The following CLIC4 variants were observed in gnomAD, a reference collection of about 807,000 sequenced individuals.
The protein encoded by CLIC4 is CLIC family member 4, also known as chloride intracellular channel protein 4.
Under a neutral mutation model 24.6 loss-of-function variants are expected in CLIC4, and 13 were observed. That is an observed-to-expected ratio of 0.53 (90% CI 0.34 to 0.84). CLIC4 has a LOEUF of 0.84. CLIC4 is among the 40% of genes least tolerant of loss of function. CLIC4 has a pLI of 0.01. For missense variants in CLIC4, 227 were observed against 301.7 expected, an observed-to-expected ratio of 0.75 and a Z score of 1.83; for synonymous variants, 104 against 111.3, an observed-to-expected ratio of 0.93 and a Z score of 0.41.
At chr1:24,835,256 T>C (rs2124174931) in intron 4 of CLIC4, among the ~76,000 whole-genome samples, 1 of 152,340 alleles carries the variant, frequency 6.6e-6, no homozygotes, top group East Asian at 1.9e-4. Flanking sequence ...TTGTTTGATA[T>C]TTTCCTAAGT....
chr1:24,841,068 G>T lies in CLIC4; in HGVS notation c.*131G>T. ...GCAGTTATTGAAGATTAGGATCAAG[G>T]ATAGACAAGGTATAGTAGTTATCTT... On this transcript the variant is annotated 3_prime_UTR_variant, in exon 6 of 6. Coordinates refer to ENST00000374379, the MANE Select transcript of CLIC4 (RefSeq NM_013943.3). 1.4e-6 allele frequency: 1 copy of T among 704,368 alleles called. No homozygotes were observed. Among genetic ancestry groups the T allele is most frequent in the Non-Finnish European group, 2.3e-6 (1 of 434,346 alleles). 43.6% of individuals were successfully genotyped at this position (704,368 alleles called of 1,614,324 possible).
intron 1 of CLIC4, among the ~76,000 whole-genome samples, chr1:24,771,080 T>G (rs940619635): frequency 1.3e-5 from 2 of 152,210 alleles, no homozygotes; most frequent in African/African-American, 2.4e-5. Flanking sequence ...TTTGCAAGCA[T>G]TCCTAAACAC....
chr1:24,808,170 T>C (rs1468409004), intron 2 of CLIC4, among the ~76,000 whole-genome samples: 4 of 152,108 alleles, frequency 2.6e-5, no homozygotes, highest in Non-Finnish European at 2.9e-5. Flanking sequence ...GGGCTGGAAC[T>C]CCTGACCTCA....
chr1:24,802,234 T>G (rs1358155928), intron 2 of CLIC4, among the ~76,000 whole-genome samples: 1 of 152,172 alleles, frequency 6.6e-6, no homozygotes, highest in Non-Finnish European at 1.5e-5. Flanking sequence ...GTAAACCCAT[T>G]ATAGCTATTT....
At chr1:24,773,870 AT>A (rs957520780) in intron 1 of CLIC4, among the ~76,000 whole-genome samples, 4 of 151,794 alleles carry the variant, frequency 2.6e-5, no homozygotes, top group African/African-American at 9.7e-5. Flanking sequence ...GAGTGTTGGG[AT>A]TACAGGTGTG....
At chr1:24,811,082 A>G (rs1279707837) in intron 2 of CLIC4, among the ~76,000 whole-genome samples, 2 of 22 alleles carry the variant, frequency 0.091, no homozygotes, top group Non-Finnish European at 0.12. Flanking sequence ...CTGTCTCAGG[A>G]AAAAAAAAAA....
At chr1:24,815,977 A>G (rs554095490) in intron 3 of CLIC4, among the ~76,000 whole-genome samples, 2 of 152,272 alleles carry the variant, frequency 1.3e-5, no homozygotes, top group East Asian at 3.9e-4. Flanking sequence ...CTATCTCAAG[A>G]AACCATTTTC....
intron 3 of CLIC4, among the ~76,000 whole-genome samples, chr1:24,820,267 C>CTTTTTTTTTTTTTTT (rs372726009): frequency 2.0e-5 from 1 of 49,762 alleles, no homozygotes; most frequent in Non-Finnish European, 3.2e-5. Flanking sequence ...CCTTTTTGGT[C>CTTTTTTTTTTTTTTT]TTTTTTTTTT....
chr1:24,765,800 CTTCT>C (rs1477486694), intron 1 of CLIC4, among the ~76,000 whole-genome samples: 16 of 143,356 alleles, frequency 1.1e-4, no homozygotes, highest in South Asian at 4.3e-4. Flanking sequence ...CCTTCTTTTT[CTTCT>C]TTCTTTCTTT....
At chr1:24,790,741 T>C (rs968319696) in intron 1 of CLIC4, among the ~76,000 whole-genome samples, 1 of 152,194 alleles carries the variant, frequency 6.6e-6, no homozygotes, top group African/African-American at 2.4e-5. Context: ...GAGGCCCTGG[T>C]TTCCTCCCTG....
intron 2 of CLIC4, among the ~76,000 whole-genome samples, chr1:24,808,310 C>T (rs1639574767): frequency 6.6e-6 from 1 of 152,180 alleles, no homozygotes; most frequent in Non-Finnish European, 1.5e-5. Flanking sequence ...CCAAAATCCA[C>T]AGATGCTCAA....
At chr1:24,745,784 C>T (rs1638684734) in intron 1 of CLIC4, among the ~76,000 whole-genome samples, 159 bp downstream of exon 1, 1 of 151,642 alleles carries the variant, frequency 6.6e-6, no homozygotes, top group African/African-American at 2.4e-5. Context: ...GGGGGCCGCC[C>T]GCGCCTTCCC....
intron 2 of CLIC4, among the ~76,000 whole-genome samples, chr1:24,806,185 A>T (rs1001138213): frequency 9.9e-5 from 15 of 152,208 alleles, no homozygotes; most frequent in East Asian, 1.9e-4. Context: ...GCTCAGTTTC[A>T]TTTATCTCAA....
At chr1:24,795,736 A>G (rs994904524) in intron 1 of CLIC4, among the ~76,000 whole-genome samples, 7 of 152,026 alleles carry the variant, frequency 4.6e-5, no homozygotes, top group African/African-American at 1.4e-4. Context: ...CGCCTGGCTA[A>G]TTTTTGTATT....
chr1:24,836,664 C>T (rs1639888340), intron 4 of CLIC4, among the ~76,000 whole-genome samples: 1 of 152,028 alleles, frequency 6.6e-6, no homozygotes, highest in South Asian at 2.1e-4. Flanking sequence ...ATAGCTAAAC[C>T]CTCTGTCTAC....
chr1:24,799,226 C>T (rs1415426544), intron 2 of CLIC4, among the ~76,000 whole-genome samples: 2 of 151,334 alleles, frequency 1.3e-5, no homozygotes, highest in African/African-American at 2.4e-5. Context: ...CGGCTGCCAT[C>T]ACATCTAGGA....
At chr1:24,825,839 G>A (rs1431351968) in intron 3 of CLIC4, among the ~76,000 whole-genome samples, 3 of 152,162 alleles carry the variant, frequency 2.0e-5, no homozygotes, top group African/African-American at 7.2e-5. Flanking sequence ...AAGAAAGCTG[G>A]CAAGACAATG....
intron 2 of CLIC4, among the ~76,000 whole-genome samples, chr1:24,813,401 CTTTTCT>C (rs1314118272): frequency 2.6e-5 from 4 of 151,490 alleles, no homozygotes; most frequent in Non-Finnish European, 5.9e-5. Context: ...ACTTTGATCT[CTTTTCT>C]TTTTCTTTTT....
intron 1 of CLIC4, among the ~76,000 whole-genome samples, chr1:24,774,948 G>GT (rs1639115547): frequency 6.6e-6 from 1 of 152,062 alleles, no homozygotes; most frequent in Non-Finnish European, 1.5e-5. Flanking sequence ...GCGCATGCCT[G>GT]TAATCCCAGC....
Sources: gnomAD v4.1 joint callset for allele counts (sites outside exome capture counted in the v4.1 genomes callset) on GRCh38, gnomAD v4.1.1 for gene constraint, MANE v1.5 for transcripts, NCBI Gene and HGNC (gene_info 2026-07-23, HGNC 2026-07-21) for gene names.